ZFHX3: variants seen among roughly 807,000 people sequenced by gnomAD.
The protein encoded by ZFHX3 is zinc finger homeobox 3, also known as zinc finger homeobox protein 3.
Under a neutral mutation model 279.1 loss-of-function variants are expected in ZFHX3, and 42 were observed. The ratio of observed to expected loss-of-function variants is 0.15; its 90% CI spans 0.12 to 0.19. The LOEUF (loss-of-function observed/expected upper bound fraction) is 0.19. ZFHX3 is among the 10% of genes least tolerant of loss of function. The pLI is 1.00. For missense variants in ZFHX3, 4,981 were observed against 4,754.0 expected (o/e 1.05, Z -1.40); for synonymous variants, 2,293 against 1,957.8 (o/e 1.17, Z -4.52).
At chr16:73,652,255 C>T (rs944242269) in intron 2 of ZFHX3, among the ~76,000 whole-genome samples, 2 of 152,138 alleles carry the variant, frequency 1.3e-5, no homozygotes, top group Non-Finnish European at 2.9e-5. Flanking sequence ...TGCTACCACT[C>T]GTACCAAGGA....
intron 2 of ZFHX3, among the ~76,000 whole-genome samples, chr16:73,461,040 C>A (rs558190220): frequency 6.6e-6 from 1 of 152,216 alleles, no homozygotes; most frequent in African/African-American, 2.4e-5. Flanking sequence ...CAAGAACAAA[C>A]TAATACAGCA....
intron 4 of ZFHX3, among the ~76,000 whole-genome samples, chr16:73,280,680 G>A (rs370152688): frequency 1.3e-5 from 2 of 152,038 alleles, no homozygotes; most frequent in African/African-American, 4.8e-5. Context: ...AGCCATTATA[G>A]AAAATAGCAT....
At chr16:73,607,984 G>A (rs1489962454) in intron 2 of ZFHX3, among the ~76,000 whole-genome samples, 2 of 152,034 alleles carry the variant, frequency 1.3e-5, no homozygotes, top group East Asian at 1.9e-4. Context: ...AGAGGTAGGT[G>A]GGTTGCCTGA....
chr16:73,585,537 C>A (rs1045317624), intron 2 of ZFHX3, among the ~76,000 whole-genome samples: 1 of 152,102 alleles, frequency 6.6e-6, no homozygotes, highest in Admixed American at 6.5e-5. Flanking sequence ...GTGCAGCAAA[C>A]CACCATGACA....
chr16:73,305,087 A>G (rs2143144672), intron 4 of ZFHX3, among the ~76,000 whole-genome samples: 1 of 152,308 alleles, frequency 6.6e-6, no homozygotes, highest in South Asian at 2.1e-4. Context: ...TTAAAAAAAA[A>G]AGCAGCCTAG....
At chr16:72,831,191 G>T (rs563576637) in intron 4 of ZFHX3, among the ~76,000 whole-genome samples, 1 of 152,198 alleles carries the variant, frequency 6.6e-6, no homozygotes, top group South Asian at 2.1e-4. Flanking sequence ...AAGTAAATTG[G>T]TCTCAAAGGG....
chr16:73,566,530 CTCA>C (rs1352830610), intron 2 of ZFHX3, among the ~76,000 whole-genome samples: 1 of 152,126 alleles, frequency 6.6e-6, no homozygotes, highest in East Asian at 1.9e-4. Context: ...GCTTTGTAGA[CTCA>C]TCATCCCAAT....
intron 1 of ZFHX3, among the ~76,000 whole-genome samples, chr16:72,961,029 T>C (rs1478139492): frequency 6.6e-6 from 1 of 152,018 alleles, no homozygotes; most frequent in Non-Finnish European, 1.5e-5. Flanking sequence ...TCTAGCTGAC[T>C]TCAGACTAAA....
intron 2 of ZFHX3, among the ~76,000 whole-genome samples, chr16:73,642,267 T>C (rs1353835651): frequency 2.0e-5 from 3 of 152,224 alleles, no homozygotes; most frequent in African/African-American, 7.2e-5. Flanking sequence ...TCTAAGTCTT[T>C]GAGAGGATAC....
chr16:73,429,637 C>T (rs2017876490), intron 3 of ZFHX3, among the ~76,000 whole-genome samples: 1 of 152,002 alleles, frequency 6.6e-6, no homozygotes, highest in African/African-American at 2.4e-5. Flanking sequence ...CAGGCCAAGA[C>T]CTTCGGATTT....
At chr16:73,322,103 G>A (rs1661607744) in intron 3 of ZFHX3, among the ~76,000 whole-genome samples, 1 of 152,164 alleles carries the variant, frequency 6.6e-6, no homozygotes, top group South Asian at 2.1e-4. Flanking sequence ...CAGTAAGCTG[G>A]CAACAGTAGC....
chr16:73,407,912 T>C (rs1373675798), intron 3 of ZFHX3, among the ~76,000 whole-genome samples: 1 of 152,118 alleles, frequency 6.6e-6, no homozygotes, highest in Non-Finnish European at 1.5e-5. Flanking sequence ...TATCAATTCC[T>C]ACCCCAACCT....
chr16:73,327,607 A>C (rs1339911918), intron 3 of ZFHX3, among the ~76,000 whole-genome samples: 1 of 152,210 alleles, frequency 6.6e-6, no homozygotes, highest in Non-Finnish European at 1.5e-5. Context: ...CCTAAATTGG[A>C]CTTCATTCTG....
At chr16:73,399,202 C>A (rs940923506) in intron 3 of ZFHX3, among the ~76,000 whole-genome samples, 2 of 151,968 alleles carry the variant, frequency 1.3e-5, no homozygotes, top group African/African-American at 4.8e-5. Context: ...AGCAGCCCTA[C>A]AAAAATGTTA....
chr16:72,911,753 C>A (rs1487426073), intron 3 of ZFHX3, among the ~76,000 whole-genome samples: 1 of 152,220 alleles, frequency 6.6e-6, no homozygotes, highest in African/African-American at 2.4e-5. Context: ...GTGGCCACCA[C>A]GCTGGACAGC....
chr16:73,467,597 A>T (rs1172380205), intron 2 of ZFHX3, among the ~76,000 whole-genome samples: 1 of 152,234 alleles, frequency 6.6e-6, no homozygotes, highest in Non-Finnish European at 1.5e-5. Context: ...TAAATCAAGT[A>T]TATTCCATTG....
intron 5 of ZFHX3, among the ~76,000 whole-genome samples, chr16:72,816,155 T>C (rs1265427248): frequency 1.3e-5 from 2 of 152,290 alleles, no homozygotes. Flanking sequence ...GTTTTTCACA[T>C]AGTCATTTTA....
chr16:73,103,290 G>A (rs958096817), intron 7 of ZFHX3, among the ~76,000 whole-genome samples: 9 of 152,022 alleles, frequency 5.9e-5, no homozygotes, highest in Non-Finnish European at 7.4e-5. Flanking sequence ...ATCCTGGGCC[G>A]TGAGTATCTC....
At chr16:73,755,022 G>C (rs141346606) in intron 1 of ZFHX3, among the ~76,000 whole-genome samples, 1 of 152,302 alleles carries the variant, frequency 6.6e-6, no homozygotes, top group Non-Finnish European at 1.5e-5. Context: ...TTACAAAGGA[G>C]ATGCTTGTGT....
Sources: allele counts gnomAD v4.1 joint callset (sites outside exome capture counted in the v4.1 genomes callset), GRCh38; gene constraint gnomAD v4.1.1; transcripts MANE v1.5; gene names NCBI Gene and HGNC (gene_info 2026-07-23, HGNC 2026-07-21).